PLCH1: variants seen among roughly 807,000 people sequenced by gnomAD.
PLCH1 encodes the protein 1-phosphatidylinositol 4,5-bisphosphate phosphodiesterase eta-1.
Under a neutral mutation model 126.7 loss-of-function variants are expected in PLCH1, and 60 were observed. That is an observed-to-expected ratio of 0.47 (90% CI 0.38 to 0.59). The LOEUF (loss-of-function observed/expected upper bound fraction) is 0.59. PLCH1 is among the 20% of genes least tolerant of loss of function. PLCH1 has a pLI of 0.00. For synonymous variants in PLCH1, 719 were observed against 734.9 expected (o/e 0.98, Z 0.35); for missense variants, 1,723 against 2,040.0 (o/e 0.84, Z 2.99).
At chr3:155,669,345 A>G (rs1743154611) in intron 2 of PLCH1, among the ~76,000 whole-genome samples, 1 of 152,200 alleles carries the variant, frequency 6.6e-6, no homozygotes. Flanking sequence ...CTGGGAGGCT[A>G]ATGCAGGAAG....
At chr3:155,522,237 A>G (rs544152209) in intron 11 of PLCH1, among the ~76,000 whole-genome samples, 1 of 152,346 alleles carries the variant, frequency 6.6e-6, no homozygotes, top group Non-Finnish European at 1.5e-5. Context: ...TGCTAAAAAA[A>G]AAGCTAAATT....
intron 8 of PLCH1, among the ~76,000 whole-genome samples, chr3:155,557,446 G>C (rs895588043): frequency 6.6e-6 from 1 of 152,004 alleles, no homozygotes; most frequent in African/African-American, 2.4e-5. Context: ...ATGAAAGAAG[G>C]CACTCTTTGG....
intron 5 of PLCH1, among the ~76,000 whole-genome samples, chr3:155,584,574 C>A (rs1731118446): frequency 6.6e-6 from 1 of 152,158 alleles, no homozygotes; most frequent in East Asian, 1.9e-4. Context: ...TAATAAGCAA[C>A]TGACCCACTT....
At chr3:155,649,083 C>T (rs1021862805) in intron 2 of PLCH1, among the ~76,000 whole-genome samples, 2 of 152,102 alleles carry the variant, frequency 1.3e-5, no homozygotes, top group African/African-American at 2.4e-5. Flanking sequence ...CTGGCTGTGG[C>T]TTGGGGGACA....
downstream of PLCH1, among the ~76,000 whole-genome samples, chr3:155,475,390 T>A (rs1713495536): frequency 6.6e-6 from 1 of 150,656 alleles, no homozygotes; most frequent in East Asian, 2.0e-4. Flanking sequence ...AAATAAACAA[T>A]CTAACAATGC....
chr3:155,460,806 A>G (rs186012672), intron 21 of PLCH1, among the ~76,000 whole-genome samples: 26 of 150,186 alleles, frequency 1.7e-4, no homozygotes, highest in Admixed American at 3.3e-4. Context: ...AGATAGATAG[A>G]TAGATAGATA....
chr3:155,490,875 A>G lies in PLCH1; in HGVS notation c.2308-7T>C. 7.0e-7 allele frequency: 1 copy of G among 1,435,202 alleles called. No homozygotes were observed. Among genetic ancestry groups the G allele is most frequent in the South Asian group, 1.1e-5 (1 of 87,118 alleles). The allele number at this position is 1,435,202 out of a possible 1,614,324, so 88.9% of individuals were successfully genotyped here. A position where few individuals can be genotyped will look rare whatever the true frequency, so the allele number is the denominator to read the frequency against. Reference sequence around the variant, plus strand: ...CAACAAAAGGGTCAATGATCTATTAAGTAAAGAGAAAGTACTATTACAAAT... The same window carrying G: ...CAACAAAAGGGTCAATGATCTATTAGGTAAAGAGAAAGTACTATTACAAAT... On this transcript the variant is annotated splice_region_variant and splice_polypyrimidine_tract_variant and intron_variant, in intron 18 of 22. Coordinates refer to ENST00000460012, the MANE Select transcript of PLCH1 (RefSeq NM_014996.4).
In PLCH1 at chr3:155,642,531, G is replaced by A. The variant is rs762024374; in HGVS notation, c.80-46153C>T. ...CCAAAAGAGATTAGCATTTGAATTG[G>A]TAGATAGAGTAAAGCAGATTGCGCT... On this transcript the variant is annotated intron_variant, in intron 2 of 22. Transcript: ENST00000460012. Among the ~76,000 whole-genome samples, 63 of 152,170 alleles carry A rather than the reference G, an allele frequency of 4.1e-4. 1 individual carries two copies. The highest frequency in any genetic ancestry group is 5.3e-4 in the Non-Finnish European group (36 of 68,020).
chr3:155,744,182 C>T (rs1288704457), intron 1 of PLCH1, among the ~76,000 whole-genome samples: 1 of 152,132 alleles, frequency 6.6e-6, no homozygotes, highest in South Asian at 2.1e-4. Context: ...GGTGGCGTCT[C>T]GGACCCGCAG....
intron 1 of PLCH1, among the ~76,000 whole-genome samples, chr3:155,721,217 A>G (rs1050493885): frequency 3.9e-5 from 6 of 152,142 alleles, no homozygotes; most frequent in Admixed American, 1.3e-4. Flanking sequence ...ATGGTTTCAT[A>G]TAAGTTTTAG....
intron 1 of PLCH1, chr3:155,742,896 T>C (rs1305947453): frequency 6.3e-6 from 1 of 157,962 alleles, no homozygotes; most frequent in Non-Finnish European, 1.4e-5. Flanking sequence ...AAACACTTGC[T>C]ATTCTTGAAA....
At chr3:155,503,320 CTG>C (rs1470701541) in intron 13 of PLCH1, among the ~76,000 whole-genome samples, 3 of 152,136 alleles carry the variant, frequency 2.0e-5, no homozygotes, top group African/African-American at 7.2e-5. Flanking sequence ...TGGAATAAAA[CTG>C]TATGTACTCT....
At chr3:155,731,809 C>A (rs1208108213) in intron 1 of PLCH1, among the ~76,000 whole-genome samples, 1 of 151,700 alleles carries the variant, frequency 6.6e-6, no homozygotes, top group Non-Finnish European at 1.5e-5. Context: ...ATGGCAAAAC[C>A]CCATCTCTGC....
At chr3:155,567,240 T>C (rs1368889644) in intron 7 of PLCH1, among the ~76,000 whole-genome samples, 3 of 151,948 alleles carry the variant, frequency 2.0e-5, no homozygotes, top group Non-Finnish European at 4.4e-5. Flanking sequence ...GCCCAGCTAA[T>C]TTTTGTATTT....
intron 2 of PLCH1, among the ~76,000 whole-genome samples, chr3:155,692,329 C>T (rs1403744821): frequency 6.6e-6 from 1 of 152,138 alleles, no homozygotes; most frequent in Non-Finnish European, 1.5e-5. Context: ...TAAACTCATA[C>T]CTGATTTTGT....
At chr3:155,716,712 C>T (rs560631674) in intron 1 of PLCH1, among the ~76,000 whole-genome samples, 2 of 152,276 alleles carry the variant, frequency 1.3e-5, no homozygotes, top group East Asian at 3.9e-4. Context: ...TCCCACCAGG[C>T]CCCAACTCCA....
chr3:155,709,071 A>G (rs1559954559), intron 1 of PLCH1, among the ~76,000 whole-genome samples: 1 of 152,128 alleles, frequency 6.6e-6, no homozygotes, highest in Non-Finnish European at 1.5e-5. Flanking sequence ...TCACTTGGTG[A>G]TATGCATTTA....
chr3:155,618,284 A>G (rs1736033768), intron 2 of PLCH1, among the ~76,000 whole-genome samples: 1 of 152,224 alleles, frequency 6.6e-6, no homozygotes, highest in Non-Finnish European at 1.5e-5. Context: ...TTTCTGGATT[A>G]CAAGTCTTCA....
chr3:155,562,511 A>G (rs982020826), intron 8 of PLCH1, among the ~76,000 whole-genome samples: 5 of 152,182 alleles, frequency 3.3e-5, no homozygotes, highest in African/African-American at 1.2e-4. Context: ...ACTTGGATCA[A>G]TTCCATAATC....
Sources: gnomAD v4.1 joint callset for allele counts (sites outside exome capture counted in the v4.1 genomes callset) on GRCh38, gnomAD v4.1.1 for gene constraint, MANE v1.5 for transcripts, NCBI Gene and HGNC (gene_info 2026-07-23, HGNC 2026-07-21) for gene names.